The following RIMS2 variants were observed in gnomAD, a reference collection of about 807,000 sequenced individuals.
RIMS2 encodes the protein regulating synaptic membrane exocytosis protein 2.
RIMS2 carries 59 observed loss-of-function variants against 174.4 expected under a neutral mutation model. The observed-to-expected ratio is 0.34, with a 90% CI of 0.27 to 0.42. RIMS2 has a LOEUF of 0.42. Among genes scored for constraint, RIMS2 ranks in the 10% least tolerant of loss-of-function variants. RIMS2 has a pLI of 1.00. For missense variants in RIMS2, 1,620 were observed against 1,666.3 expected, an observed-to-expected ratio of 0.97 and a Z score of 0.48; for synonymous variants, 606 against 572.5, an observed-to-expected ratio of 1.06 and a Z score of -0.84.
At chr8:104,141,407 C>T (rs2098570736) in intron 19 of RIMS2, among the ~76,000 whole-genome samples, 1 of 152,086 alleles carries the variant, frequency 6.6e-6, no homozygotes, top group Non-Finnish European at 1.5e-5. Context: ...TTCCTAGTTT[C>T]CTTAAAGATT....
exon 4 of RIMS2, chr8:103,886,137 G>T: frequency 6.2e-7 from 1 of 1,613,014 alleles, no homozygotes; most frequent in East Asian, 2.2e-5. Context: ...ATTTCGTTGA[G>T]CAGTTCAGAG....
chr8:104,186,142 G>A (rs2098966858), intron 19 of RIMS2, among the ~76,000 whole-genome samples: 1 of 151,654 alleles, frequency 6.6e-6, no homozygotes, highest in Admixed American at 6.6e-5. Flanking sequence ...GATGCAGAAA[G>A]GCAAATACCA....
intron 19 of RIMS2, among the ~76,000 whole-genome samples, chr8:104,186,690 T>G (rs2098969701): frequency 6.6e-6 from 1 of 151,814 alleles, no homozygotes; most frequent in Non-Finnish European, 1.5e-5. Flanking sequence ...TTAAATCCTT[T>G]TGTCCTTTTA....
exon 24 of RIMS2, chr8:104,251,697 G>A: frequency 6.2e-7 from 1 of 1,604,356 alleles, no homozygotes; most frequent in Non-Finnish European, 8.5e-7. Flanking sequence ...CCAATATGGT[G>A]ATCGGATGGT....
chr8:104,215,677 T>C (rs1455750359), intron 19 of RIMS2, among the ~76,000 whole-genome samples: 1 of 152,236 alleles, frequency 6.6e-6, no homozygotes, highest in Non-Finnish European at 1.5e-5. Flanking sequence ...TTCTCAAGTG[T>C]TTGAGGATAT....
At chr8:104,163,559 A>G (rs1459254079) in intron 19 of RIMS2, among the ~76,000 whole-genome samples, 2 of 152,192 alleles carry the variant, frequency 1.3e-5, no homozygotes, top group East Asian at 1.9e-4. Context: ...TTTAAAATCA[A>G]CCGTGTAGGA....
At position 103,858,476 on chromosome 8, in the gene RIMS2, C is replaced by T. The variant is rs538881694; in HGVS notation, c.699-26822C>T. 2.0e-5 allele frequency among the ~76,000 whole-genome samples: 3 copies of T among 151,920 alleles called. No homozygotes were observed. The East Asian group carries it at 5.8e-4, about 29-fold the overall frequency. Reference sequence around the variant, plus strand: ...TCAGAAAAATTAAGTTAAGGAGGACCTTAGCAAAGAGATTGGCCGAGCTCA... The same window carrying T: ...TCAGAAAAATTAAGTTAAGGAGGACTTTAGCAAAGAGATTGGCCGAGCTCA... On this transcript the variant is annotated intron_variant, in intron 3 of 23. Coordinates refer to ENST00000504942, the Ensembl canonical transcript of RIMS2.
At chr8:103,874,174 G>A (rs1484246508) in intron 3 of RIMS2, among the ~76,000 whole-genome samples, 1 of 151,994 alleles carries the variant, frequency 6.6e-6, no homozygotes, top group Admixed American at 6.6e-5. Context: ...GTGGCTGTGA[G>A]AGTTACATGA....
At chr8:103,768,227 A>C (rs774685740) in intron 3 of RIMS2, 18 of 437,704 alleles carry the variant, frequency 4.1e-5, no homozygotes, top group Non-Finnish European at 7.2e-5. Flanking sequence ...GACTAAGTAA[A>C]ATGAATAATG....
At chr8:104,243,404 T>C (rs2099312546) in intron 19 of RIMS2, among the ~76,000 whole-genome samples, 1 of 152,048 alleles carries the variant, frequency 6.6e-6, no homozygotes. Flanking sequence ...AAATAACTTA[T>C]TGCTGGGCAC....
chr8:103,691,571 A>G (rs1564304849), intron 1 of RIMS2, among the ~76,000 whole-genome samples: 4 of 152,120 alleles, frequency 2.6e-5, no homozygotes, highest in Admixed American at 6.6e-5. Context: ...ATCTGATAGG[A>G]TTCTGAATTC....
chr8:104,236,500 T>C (rs34670764), intron 19 of RIMS2, among the ~76,000 whole-genome samples: 118 of 152,234 alleles, frequency 7.8e-4, no homozygotes, highest in Non-Finnish European at 1.5e-3. Context: ...TCTATGCTTT[T>C]ACATTATGTC....
intron 19 of RIMS2, among the ~76,000 whole-genome samples, chr8:104,135,180 G>A (rs2098508136): frequency 6.6e-6 from 1 of 152,184 alleles, no homozygotes; most frequent in Non-Finnish European, 1.5e-5. Context: ...GATTTGAATA[G>A]CATGAAGAAG....
chr8:103,528,589 C>G (rs1040163710), intron 1 of RIMS2, among the ~76,000 whole-genome samples: 16 of 152,198 alleles, frequency 1.1e-4, no homozygotes, highest in African/African-American at 3.6e-4. Context: ...GGAAGGGATT[C>G]AGTTTCAGCT....
chr8:103,796,074 T>G (rs903471224), intron 3 of RIMS2, among the ~76,000 whole-genome samples: 13 of 152,146 alleles, frequency 8.5e-5, no homozygotes, highest in Non-Finnish European at 1.6e-4. Flanking sequence ...TATTTATGAT[T>G]TTGATTAATT....
At chr8:103,858,149 T>C (rs2099038137) in intron 3 of RIMS2, among the ~76,000 whole-genome samples, 1 of 152,186 alleles carries the variant, frequency 6.6e-6, no homozygotes, top group Non-Finnish European at 1.5e-5. Flanking sequence ...AATGTAGTCT[T>C]AACTGATAAT....
intron 19 of RIMS2, among the ~76,000 whole-genome samples, chr8:104,147,503 T>A (rs2098651553): frequency 6.6e-6 from 1 of 152,318 alleles, no homozygotes; most frequent in African/African-American, 2.4e-5. Flanking sequence ...ACAAAGATAT[T>A]GAATTAGACA....
At chr8:103,613,418 T>A (rs762087465) in intron 1 of RIMS2, among the ~76,000 whole-genome samples, 1 of 152,118 alleles carries the variant, frequency 6.6e-6, no homozygotes, top group South Asian at 2.1e-4. Context: ...TTGTGGTGAA[T>A]GCTTCCATGT....
chr8:104,146,048 C>T (rs1566674764), intron 19 of RIMS2, among the ~76,000 whole-genome samples: 1 of 151,418 alleles, frequency 6.6e-6, no homozygotes, highest in African/African-American at 2.4e-5. Flanking sequence ...ATAAAAAGAG[C>T]ATCCATCTTA....
Sources: allele counts gnomAD v4.1 joint callset (sites outside exome capture counted in the v4.1 genomes callset), GRCh38; gene constraint gnomAD v4.1.1; transcripts MANE v1.5; gene names NCBI Gene and HGNC (gene_info 2026-07-23, HGNC 2026-07-21).